IK: variants seen among roughly 807,000 people sequenced by gnomAD.
IK encodes IK cytokine.
IK carries 47 observed loss-of-function variants against 90.9 expected under a neutral mutation model. That is an observed-to-expected ratio of 0.52 (90% CI 0.41 to 0.66). The LOEUF (loss-of-function observed/expected upper bound fraction) is 0.66, where lower values mean the gene tolerates loss of function less well. IK is among the 30% of genes least tolerant of loss of function. The pLI is 0.00. For synonymous variants in IK, 201 were observed against 227.5 expected, an observed-to-expected ratio of 0.88 and a Z score of 1.05; for missense variants, 385 against 709.3, an observed-to-expected ratio of 0.54 and a Z score of 5.19.
At position 140,661,870 on chromosome 5, in the gene IK, A is replaced by T; in HGVS notation, c.1503-29A>T. ...CCTCGCCACTGCTATGCAATCTCTGATGCATTCTTTCCCAACTGCTTTTTT... is the reference window on the plus strand; with the variant it reads ...CCTCGCCACTGCTATGCAATCTCTGTTGCATTCTTTCCCAACTGCTTTTTT... On this transcript the variant is annotated intron_variant, in intron 17 of 19. Transcript: ENST00000417647. This position sits in a 1 kb window ranked among gnomAD's most constrained non-coding sequence, Gnocchi z 4.2. 1 of 1,564,260 alleles carries T rather than the reference A, an allele frequency of 6.4e-7. No individual in the cohort carries two copies. The highest frequency in any genetic ancestry group is 1.2e-5 in the South Asian group (1 of 86,354).
In IK at chr5:140,655,999, G is replaced by T; in HGVS notation, c.801+7G>T. On this transcript the variant is annotated splice_region_variant and intron_variant, in intron 9 of 19. Transcript: ENST00000417647. The stretch of plus-strand genomic sequence containing the variant: ...TGATTGCCCCACCATGGAGGTGAGT[G>T]AATGGAATCCTGAGAGCCTATCATG... 1.1e-5 allele frequency: 17 copies of T among 1,551,670 alleles called. No individual in the cohort carries two copies. The highest frequency in any genetic ancestry group is 1.4e-5 in the Non-Finnish European group (16 of 1,147,010).
chr5:140,661,862 A>T lies in IK; in HGVS notation c.1503-37A>T, dbSNP rs1487846144. On this transcript the variant is annotated intron_variant, in intron 17 of 19. Coordinates refer to ENST00000417647, the MANE Select transcript of IK (RefSeq NM_006083.4). The surrounding 1 kb of genome is among the most constrained non-coding windows in gnomAD (Gnocchi z 4.2). ...TGGGAAAACCTCGCCACTGCTATGC[A>T]ATCTCTGATGCATTCTTTCCCAACT... The T allele has an allele frequency of 6.4e-7, 1 of 1,553,436 alleles. No individual in the cohort carries two copies. Among genetic ancestry groups the T allele is most frequent in the African/African-American group, 1.4e-5 (1 of 73,524 alleles).
At chr5:140,660,289 C>CTTTTTTTT (rs1387044855) in intron 15 of IK, 94 bp downstream of exon 15, 36 of 282,738 alleles carry the variant, frequency 1.3e-4, no homozygotes, top group East Asian at 5.4e-4. Flanking sequence ...CCCAGGGCTA[C>CTTTTTTTT]TTCTTTTTTT....
intron 2 of IK, among the ~76,000 whole-genome samples, chr5:140,650,129 C>T (rs551766739): frequency 6.6e-6 from 1 of 152,254 alleles, no homozygotes; most frequent in South Asian, 2.1e-4. Flanking sequence ...CACCGCTCCA[C>T]CCCCATACCT....
At chr5:140,660,303 T>TTTTTTTTTTTTTTTTTTTG (rs1757782813) in intron 15 of IK, 108 bp downstream of exon 15, 1 of 659,674 alleles carries the variant, frequency 1.5e-6, no homozygotes. Context: ...TTTTTTTTTT[T>TTTTTTTTTTTTTTTTTTTG]TTTTTTTTTT....
chr5:140,659,793 T>C lies in IK; in HGVS notation c.1233T>C (p.Asn411=). ...GSTKELIKSI[N]EKFAGSAGWE... The stretch of plus-strand genomic sequence containing the variant: ...CCAAGGAGTTGATCAAGTCCATCAA[T>C]GAAAAGTTTGCTGGGTCTGCTGGCT... The change falls in exon 14 of 20, where the codon AAT becomes AAC. Residue 411 remains asparagine, a synonymous_variant. Transcript: ENST00000417647. The C allele has an allele frequency of 6.2e-7, 1 of 1,601,266 alleles. No individual in the cohort carries two copies. The highest frequency in any genetic ancestry group is 8.5e-7 in the Non-Finnish European group (1 of 1,173,620).
intron 2 of IK, chr5:140,648,761 G>A (rs1347907100): frequency 1.1e-5 from 6 of 530,112 alleles, no homozygotes; most frequent in African/African-American, 1.9e-5. Context: ...TTTTTTATAC[G>A]TGTTGTGTAA....
At chr5:140,652,919 T>A in intron 4 of IK, 58 bp from the exon 5 acceptor site, 1 of 1,536,942 alleles carries the variant, frequency 6.5e-7, no homozygotes, top group Non-Finnish European at 8.9e-7. Context: ...GGAACAGTTC[T>A]GTTGACCTTG....
Position 140,661,885 on chromosome 5 carries a change from A to C in IK, c.1503-14A>C. ...GCAATCTCTGATGCATTCTTTCCCA[A>C]CTGCTTTTTTCAGGGCTGCATTCCA... is the stretch of plus-strand genomic sequence containing the variant. On this transcript the variant is annotated splice_polypyrimidine_tract_variant and intron_variant, in intron 17 of 19. Transcript: ENST00000417647. The surrounding 1 kb of genome is among the most constrained non-coding windows in gnomAD (Gnocchi z 4.2). 6.3e-7 allele frequency: 1 copy of C among 1,596,572 alleles called. No individual in the cohort carries two copies. Among genetic ancestry groups the C allele is most frequent in the Non-Finnish European group, 8.5e-7 (1 of 1,170,708 alleles).
At chr5:140,662,043 G>T (rs758881439) in intron 18 of IK, 36 bp downstream of exon 18, 1 of 1,572,422 alleles carries the variant, frequency 6.4e-7, no homozygotes, top group South Asian at 1.1e-5. Flanking sequence ...GAGGGTTTCA[G>T]CTGGGAGAAG....
At chr5:140,662,050 GA>G (rs1757808992) in intron 18 of IK, 43 bp downstream of exon 18, 5 of 1,569,320 alleles carry the variant, frequency 3.2e-6, no homozygotes, top group Non-Finnish European at 4.3e-6. Context: ...TCAGCTGGGA[GA>G]AGACATTAGC....
At chr5:140,652,752 G>T (rs1236995555) in intron 4 of IK, among the ~76,000 whole-genome samples, 3 of 152,182 alleles carry the variant, frequency 2.0e-5, no homozygotes, top group African/African-American at 7.2e-5. Context: ...GTGACAGATG[G>T]AGTGTCCCAA....
Position 140,657,546 on chromosome 5 carries a change from A to G in IK, c.802-8A>G. On this transcript the variant is annotated splice_polypyrimidine_tract_variant and splice_region_variant and intron_variant, in intron 9 of 19. Transcript: ENST00000417647. ...TGGTTTAACATTCTTGTTTCTTGGT[A>G]TTTTCAGGCCCAGACCACACTGACC... 6.3e-7 allele frequency: 1 copy of G among 1,581,596 alleles called. No homozygotes were observed. Among genetic ancestry groups the G allele is most frequent in the Non-Finnish European group, 8.6e-7 (1 of 1,165,460 alleles).
chr5:140,653,707 C>T (rs575263193), intron 5 of IK, among the ~76,000 whole-genome samples: 44 of 150,468 alleles, frequency 2.9e-4, no homozygotes, highest in Admixed American at 1.7e-3. Context: ...CATGTTCAGG[C>T]GATTCTCTTG....
chr5:140,657,929 T>C (rs1757737519), intron 10 of IK, among the ~76,000 whole-genome samples: 1 of 152,252 alleles, frequency 6.6e-6, no homozygotes, highest in African/African-American at 2.4e-5. Context: ...AAAAGAGATT[T>C]TTTGGTGAAA....
chr5:140,655,792 A>T, intron 8 of IK, 37 bp from the exon 9 acceptor site: 1 of 1,596,692 alleles, frequency 6.3e-7, no homozygotes, highest in Non-Finnish European at 8.5e-7. Context: ...CTGTTCTTGT[A>T]GATCCTGGCT....
chr5:140,661,806 T>C lies in IK; in HGVS notation c.1503-93T>C. Reference sequence around the variant, plus strand: ...TAGAGGGTGTGGTCTGGCTGAGATGTTCCCCACTAAGTTCTTTGCCCACAG... The same window carrying C: ...TAGAGGGTGTGGTCTGGCTGAGATGCTCCCCACTAAGTTCTTTGCCCACAG... On this transcript the variant is annotated intron_variant, in intron 17 of 19. Transcript: ENST00000417647. This position sits in a 1 kb window ranked among gnomAD's most constrained non-coding sequence, Gnocchi z 4.2. 2 of 1,404,340 alleles carry C rather than the reference T, an allele frequency of 1.4e-6. No individual in the cohort carries two copies. Among genetic ancestry groups the C allele is most frequent in the Non-Finnish European group, 2.0e-6 (2 of 1,011,074 alleles). The allele number at this position is 1,404,340 out of a possible 1,614,324, so 87.0% of individuals were successfully genotyped here.
intron 11 of IK, 37 bp downstream of exon 11, chr5:140,658,813 G>C: frequency 6.9e-6 from 11 of 1,602,352 alleles, no homozygotes; most frequent in Non-Finnish European, 9.4e-6. Context: ...ATCAGAGGGA[G>C]GGGGTCTGTA....
chr5:140,648,932 G>A (rs6579859), intron 2 of IK: 5,716 of 214,572 alleles, frequency 0.027, 249 homozygotes, highest in African/African-American at 0.11. Flanking sequence ...CCGCCTCCCG[G>A]GTTCAAGCAA....
Sources: allele counts gnomAD v4.1 joint callset (sites outside exome capture counted in the v4.1 genomes callset), GRCh38; gene constraint gnomAD v4.1.1; non-coding constraint Gnocchi (gnomAD v3.1); transcripts MANE v1.5; gene names NCBI Gene and HGNC (gene_info 2026-07-23, HGNC 2026-07-21).